The following PLXNA2 variants were observed in gnomAD, a reference collection of about 807,000 sequenced individuals.
PLXNA2 encodes the protein plexin-A2.
Under a neutral mutation model 193.5 loss-of-function variants are expected in PLXNA2, and 91 were observed. The observed-to-expected ratio is 0.47, with a 90% CI of 0.40 to 0.56. The LOEUF (loss-of-function observed/expected upper bound fraction) is 0.56, where lower values mean the gene tolerates loss of function less well. Ranked by LOEUF, PLXNA2 falls within the 20% of genes least tolerant of loss-of-function variation. The probability of loss-of-function intolerance (pLI) is 0.00; values close to 1 mark genes in which losing one functional copy is unlikely to be tolerated. For missense variants in PLXNA2, 1,995 were observed against 2,503.2 expected, an observed-to-expected ratio of 0.80 and a Z score of 4.33; for synonymous variants, 997 against 1,027.3, an observed-to-expected ratio of 0.97 and a Z score of 0.56.
At chr1:208,226,019 G>A (rs1258977980) in intron 1 of PLXNA2, among the ~76,000 whole-genome samples, 1 of 152,206 alleles carries the variant, frequency 6.6e-6, no homozygotes, top group Non-Finnish European at 1.5e-5. Context: ...TTTTAAAGGA[G>A]AGGGGTCTGG....
At chr1:208,200,184 C>T (rs1670495560) in intron 3 of PLXNA2, among the ~76,000 whole-genome samples, 2 of 152,208 alleles carry the variant, frequency 1.3e-5, no homozygotes, top group African/African-American at 2.4e-5. Flanking sequence ...GCACCAGCTC[C>T]TGAACTTCTT....
chr1:208,240,115 C>T (rs1671999008), intron 1 of PLXNA2, among the ~76,000 whole-genome samples: 1 of 152,164 alleles, frequency 6.6e-6, no homozygotes, highest in Admixed American at 6.5e-5. Context: ...AGCTCTGTGC[C>T]CTTCCTTCCT....
At chr1:208,205,964 G>C (rs1254371602) in intron 3 of PLXNA2, among the ~76,000 whole-genome samples, 1 of 152,190 alleles carries the variant, frequency 6.6e-6, no homozygotes, top group African/African-American at 2.4e-5. Flanking sequence ...TTTATTTGCT[G>C]TGTGACTTTA....
intron 3 of PLXNA2, among the ~76,000 whole-genome samples, chr1:208,173,929 G>A (rs1002102273): frequency 2.6e-5 from 4 of 152,242 alleles, no homozygotes; most frequent in South Asian, 2.1e-4. Context: ...AATGCCATGC[G>A]GGTACCAGGA....
At chr1:208,240,790 G>A (rs540661106) in intron 1 of PLXNA2, among the ~76,000 whole-genome samples, 11 of 151,574 alleles carry the variant, frequency 7.3e-5, no homozygotes, top group South Asian at 2.1e-4. Flanking sequence ...TTGGCTAGGC[G>A]CTCCTTGCCT....
chr1:208,045,309 G>T, intron 18 of PLXNA2, 99 bp from the exon 19 acceptor site: 2 of 1,287,920 alleles, frequency 1.6e-6, no homozygotes, highest in Non-Finnish European at 2.2e-6. Flanking sequence ...AAGGGCAGCA[G>T]TGCAAAAACC....
chr1:208,033,960 G>T (rs12739719), intron 27 of PLXNA2, among the ~76,000 whole-genome samples: 73,863 of 152,000 alleles, frequency 0.49, 18,848 homozygotes, highest in Non-Finnish European at 0.57. Flanking sequence ...GGTGCTGCTG[G>T]GTTCAGTCCT....
At position 208,044,483 on chromosome 1, in the gene PLXNA2, C is replaced by G; in HGVS notation, c.3874+25G>C. On this transcript the variant is annotated intron_variant, in intron 20 of 31. Coordinates refer to ENST00000367033, the MANE Select transcript of PLXNA2 (RefSeq NM_025179.4). This position sits in a 1 kb window ranked among gnomAD's most constrained non-coding sequence, Gnocchi z 4.9. ...GGCAGGTGGAGAAAGAGGGACCCAG[C>G]AAATGAGGGTGTGCTTCCACTAACC... The G allele has an allele frequency of 6.5e-7, 1 of 1,533,042 alleles. No individual in the cohort carries two copies. The highest frequency in any genetic ancestry group is 1.1e-5 in the South Asian group (1 of 89,480). The allele number at this position is 1,533,042 out of a possible 1,614,324, so 95.0% of individuals were successfully genotyped here. A position where few individuals can be genotyped will look rare whatever the true frequency, so the allele number is the denominator to read the frequency against.
chr1:208,039,494 G>T, intron 24 of PLXNA2, 127 bp downstream of exon 24: 1 of 1,314,220 alleles, frequency 7.6e-7, no homozygotes, highest in Non-Finnish European at 1.1e-6. Context: ...GTTGTCCTTT[G>T]GGCTCACCCC....
intron 21 of PLXNA2, 30 bp downstream of exon 21, chr1:208,043,031 G>T: frequency 1.2e-6 from 2 of 1,610,924 alleles, no homozygotes; most frequent in South Asian, 1.1e-5. Context: ...CATCCCTGCT[G>T]GGTGGCTGGG....
At position 208,045,866 on chromosome 1, in the gene PLXNA2, G is replaced by A. The variant is rs199665809; in HGVS notation, c.3495+12C>T. On this transcript the variant is annotated intron_variant, in intron 18 of 31. Coordinates refer to ENST00000367033, the MANE Select transcript of PLXNA2 (RefSeq NM_025179.4). ...GCCCCTGGTGGCACTGCCCTCTGGCGGGCACTCCTACCTTCAGAATGATGG... is the reference window on the plus strand; with the variant it reads ...GCCCCTGGTGGCACTGCCCTCTGGCAGGCACTCCTACCTTCAGAATGATGG... 6.8e-6 allele frequency: 11 copies of A among 1,613,768 alleles called. No homozygotes were observed. Among genetic ancestry groups the A allele is most frequent in the African/African-American group, 4.0e-5 (3 of 74,940 alleles).
At chr1:208,145,347 G>C (rs955073372) in intron 3 of PLXNA2, among the ~76,000 whole-genome samples, 1 of 152,206 alleles carries the variant, frequency 6.6e-6, no homozygotes, top group Non-Finnish European at 1.5e-5. Context: ...GCAGCTGCAG[G>C]GCTGGGTCCC....
intron 3 of PLXNA2, among the ~76,000 whole-genome samples, chr1:208,208,339 C>T (rs563799254): frequency 6.6e-6 from 1 of 152,266 alleles, no homozygotes; most frequent in South Asian, 2.1e-4. Context: ...AAAAATGGTG[C>T]CAAATTGGGT....
At chr1:208,112,122 G>A (rs1442622296) in intron 4 of PLXNA2, among the ~76,000 whole-genome samples, 1 of 152,168 alleles carries the variant, frequency 6.6e-6, no homozygotes, top group Non-Finnish European at 1.5e-5. Flanking sequence ...GGAGACCAAA[G>A]TTGGTTGAAC....
chr1:208,240,343 CT>C (rs1339209007), intron 1 of PLXNA2, among the ~76,000 whole-genome samples: 1 of 152,190 alleles, frequency 6.6e-6, no homozygotes, highest in African/African-American at 2.4e-5. Flanking sequence ...TCCCTCGTGC[CT>C]TGAGACCAGC....
chr1:208,227,834 G>A (rs1671560901), intron 1 of PLXNA2, among the ~76,000 whole-genome samples: 1 of 152,200 alleles, frequency 6.6e-6, no homozygotes, highest in South Asian at 2.1e-4. Context: ...GACTCTTCGA[G>A]GTTGAGATGG....
At chr1:208,212,055 C>T (rs766995431) in intron 2 of PLXNA2, among the ~76,000 whole-genome samples, 2 of 152,196 alleles carry the variant, frequency 1.3e-5, no homozygotes, top group Non-Finnish European at 2.9e-5. Flanking sequence ...AAGAGCCCCG[C>T]ATCCTGTGGC....
intron 4 of PLXNA2, among the ~76,000 whole-genome samples, chr1:208,132,126 G>A (rs1392492024): frequency 6.6e-6 from 1 of 152,204 alleles, no homozygotes; most frequent in Non-Finnish European, 1.5e-5. Flanking sequence ...CTGACCACCT[G>A]CAGAGGCATT....
At chr1:208,222,094 C>G (rs1671355772) in intron 1 of PLXNA2, among the ~76,000 whole-genome samples, 1 of 152,224 alleles carries the variant, frequency 6.6e-6, no homozygotes, top group African/African-American at 2.4e-5. Context: ...CTCCTCACCT[C>G]CATCCATCCC....
Sources: allele counts gnomAD v4.1 joint callset (sites outside exome capture counted in the v4.1 genomes callset), GRCh38; gene constraint gnomAD v4.1.1; non-coding constraint Gnocchi (gnomAD v3.1); transcripts MANE v1.5; gene names NCBI Gene and HGNC (gene_info 2026-07-23, HGNC 2026-07-21).